The following MEGF6 variants were observed in gnomAD, a reference collection of about 807,000 sequenced individuals.
MEGF6 encodes the protein multiple epidermal growth factor-like domains protein 6.
MEGF6 carries 184 observed loss-of-function variants against 207.1 expected under a neutral mutation model. The ratio of observed to expected loss-of-function variants is 0.89; its 90% CI spans 0.79 to 1.00. The LOEUF is 1.00. Ranked by LOEUF, MEGF6 falls within the 50% of genes least tolerant of loss-of-function variation. The probability of loss-of-function intolerance (pLI) is 0.00; values close to 1 mark genes in which losing one functional copy is unlikely to be tolerated. For missense variants in MEGF6, 2,282 were observed against 2,202.9 expected (o/e 1.04, Z -0.72); for synonymous variants, 1,038 against 910.0 (o/e 1.14, Z -2.53).
At chr1:3,610,375 G>A (rs1644308238) in intron 1 of MEGF6, among the ~76,000 whole-genome samples, 1 of 152,184 alleles carries the variant, frequency 6.6e-6, no homozygotes, top group African/African-American at 2.4e-5. Context: ...CCTGGACGGG[G>A]AGGCTGTCAG....
At position 3,573,104 on chromosome 1, in the gene MEGF6, G is replaced by A. The variant is rs982377781; in HGVS notation, c.481+6721C>T. On this transcript the variant is annotated intron_variant, in intron 4 of 36. Transcript: ENST00000356575. The surrounding 1 kb of genome is among the most constrained non-coding windows in gnomAD (Gnocchi z 5.1). ...CCTCAGGTGTGCTGGGTCCTTCCTGGTATGCTGGGTCCTCCTGTGTGTGCT... is the reference window on the plus strand; with the variant it reads ...CCTCAGGTGTGCTGGGTCCTTCCTGATATGCTGGGTCCTCCTGTGTGTGCT... Among the ~76,000 whole-genome samples the A allele has an allele frequency of 6.7e-6, 1 of 148,762 alleles. No homozygotes were observed. Among genetic ancestry groups the A allele is most frequent in the African/African-American group, 2.5e-5 (1 of 40,136 alleles).
intron 4 of MEGF6, among the ~76,000 whole-genome samples, chr1:3,563,571 A>T (rs1643262763): frequency 6.6e-6 from 1 of 152,204 alleles, no homozygotes; most frequent in Non-Finnish European, 1.5e-5. Flanking sequence ...AGGCCAGCAG[A>T]CATTTTAGAA....
chr1:3,617,371 C>A, the MEGF6 span, among the ~76,000 whole-genome samples: 1 of 145,486 alleles, frequency 6.9e-6, no homozygotes, highest in Non-Finnish European at 1.5e-5. Flanking sequence ...GTGAATGTGA[C>A]CTTATTTGAA....
intron 6 of MEGF6, 126 bp downstream of exon 6, chr1:3,515,271 GTGCCA>G: frequency 1.8e-6 from 2 of 1,119,708 alleles, no homozygotes; most frequent in South Asian, 3.0e-5. Flanking sequence ...GGCCCCAAAT[GTGCCA>G]TCCCTACCAG....
intron 3 of MEGF6, among the ~76,000 whole-genome samples, chr1:3,591,293 C>T (rs1411264114): frequency 6.6e-6 from 1 of 152,216 alleles, no homozygotes; most frequent in Non-Finnish European, 1.5e-5. Context: ...CCCAGAACCA[C>T]CGAGCAGGGG....
intron 36 of MEGF6, 101 bp downstream of exon 36, chr1:3,490,811 C>T (rs926443116): frequency 2.1e-6 from 3 of 1,432,890 alleles, no homozygotes; most frequent in Non-Finnish European, 2.9e-6. Flanking sequence ...CCGGGTGCAG[C>T]TGCTGCCCTG....
chr1:3,499,388 T>A, intron 23 of MEGF6, 122 bp from the exon 24 acceptor site: 1 of 1,423,878 alleles, frequency 7.0e-7, no homozygotes, highest in Non-Finnish European at 9.4e-7. Flanking sequence ...AACTCTCCCC[T>A]CCCTCTGGCT....
At chr1:3,496,238 A>G (rs1304514379) in intron 29 of MEGF6, among the ~76,000 whole-genome samples, 1 of 152,044 alleles carries the variant, frequency 6.6e-6, no homozygotes, top group African/African-American at 2.4e-5. Context: ...GCAGTGACTC[A>G]CTGCCACCCC....
chr1:3,575,534 T>C lies in MEGF6; in HGVS notation c.481+4291A>G, dbSNP rs768535872. Among the ~76,000 whole-genome samples, 15 of 152,170 alleles carry C rather than the reference T, an allele frequency of 9.9e-5. 1 individual carries two copies. Among genetic ancestry groups the C allele is most frequent in the Admixed American group, 5.2e-4 (8 of 15,278 alleles). On this transcript the variant is annotated intron_variant, in intron 4 of 36. Coordinates refer to ENST00000356575, the MANE Select transcript of MEGF6 (RefSeq NM_001409.4). ...TTCCAACTGCTGACATACCCTAGAC[T>C]GGGCAATTTACAAAAGAAAGAGGTT...
chr1:3,598,992 C>T (rs1644117657), intron 2 of MEGF6, among the ~76,000 whole-genome samples: 2 of 152,218 alleles, frequency 1.3e-5, no homozygotes, highest in African/African-American at 4.8e-5. Context: ...CTCAGCTGTA[C>T]TCACAGCCTC....
At chr1:3,529,083 C>T (rs1557752675) in intron 4 of MEGF6, among the ~76,000 whole-genome samples, 1 of 152,170 alleles carries the variant, frequency 6.6e-6, no homozygotes, top group Non-Finnish European at 1.5e-5. Context: ...GCCAGGTTCA[C>T]GGGAGCCGCG....
intron 4 of MEGF6, among the ~76,000 whole-genome samples, chr1:3,541,677 C>T (rs532950816): frequency 7.9e-4 from 120 of 152,286 alleles, no homozygotes; most frequent in African/African-American, 2.8e-3. Context: ...ACATGCCTTC[C>T]TCTCCCTGGG....
chr1:3,498,666 G>C (rs759518247), intron 25 of MEGF6, 32 bp downstream of exon 25: 1 of 1,533,988 alleles, frequency 6.5e-7, no homozygotes, highest in East Asian at 2.4e-5. Flanking sequence ...AGCATGCTGG[G>C]GTATGTCCCT....
rs779656087 is a variant in MEGF6 at position 3,531,104 on chromosome 1, C to T, written c.482-6858G>A. 92 of 1,527,486 alleles carry T rather than the reference C, an allele frequency of 6.0e-5. 1 individual carries two copies. The South Asian group carries it at 8.4e-4, about 14-fold the overall frequency. The allele number at this position is 1,527,486 out of a possible 1,614,324, so 94.6% of individuals were successfully genotyped here. On this transcript the variant is annotated intron_variant, in intron 4 of 36. Transcript: ENST00000356575. ...CCTGGCCTCTGGTCACCGGCGCTCA[C>T]GGGGTAGCCGGCCTGGCCCAGGTGA... is the stretch of plus-strand genomic sequence containing the variant.
intron 4 of MEGF6, chr1:3,530,933 G>C: frequency 8.7e-7 from 1 of 1,144,216 alleles, no homozygotes; most frequent in Non-Finnish European, 1.1e-6. Context: ...CCCAGAAGCA[G>C]GCGCGCCTGC....
Position 3,498,750 on chromosome 1 carries a change from G to A in MEGF6, c.3171C>T (p.Val1057=), listed in dbSNP as rs953413531. The change falls in exon 25 of 37, where the codon GTC becomes GTT. Residue 1057 remains valine (V), a synonymous_variant. Transcript: ENST00000356575. ...CCTCTGGGCACGCACAGTGGCCTGA[G>A]ACAGGGTCACAGGTCCCTCCGTTCT... is the stretch of plus-strand genomic sequence containing the variant. ...LCQNGGTCDP[V]SGHCACPEGW... 3 of 1,563,034 alleles carry A rather than the reference G, an allele frequency of 1.9e-6. No homozygotes were observed. Among genetic ancestry groups the A allele is most frequent in the Non-Finnish European group, 2.6e-6 (3 of 1,155,168 alleles).
Position 3,499,836 on chromosome 1 carries a change from G to T in MEGF6, c.2796C>A (p.Cys932Ter), listed in dbSNP as rs1640778917. The T allele has an allele frequency of 1.9e-6, 3 of 1,553,396 alleles. No homozygotes were observed. The highest frequency in any genetic ancestry group is 2.6e-6 in the Non-Finnish European group (3 of 1,149,352). ...GAACDHVSGACTCPAGWRGTF... is the reference protein window; with the variant it reads ...GAACDHVSGA ...TGCCCCTCCAGCCGGCCGGGCAGGT[G>T]CAGGCCCCGCTGACGTGGTCACAGG... Residue 932 changes from cysteine (C) to a stop codon, truncating the protein, a stop_gained, in exon 22 of 37, where the codon TGC (cysteine) becomes TGA (stop). Coordinates refer to ENST00000356575, the MANE Select transcript of MEGF6 (RefSeq NM_001409.4). LOFTEE classifies it high-confidence loss of function.
At chr1:3,563,404 C>T (rs988522849) in intron 4 of MEGF6, among the ~76,000 whole-genome samples, 6 of 152,132 alleles carry the variant, frequency 3.9e-5, no homozygotes, top group Non-Finnish European at 5.9e-5. Context: ...GACCAGGCCA[C>T]GCCCCAGCTA....
In MEGF6 at chr1:3,515,450, G is replaced by C; in HGVS notation, c.682C>G (p.Gln228Glu). The C allele has an allele frequency of 6.2e-7, 1 of 1,612,684 alleles. No homozygotes were observed. The highest frequency in any genetic ancestry group is 1.7e-4 in the Middle Eastern group (1 of 6,052). The change falls in exon 6 of 37, where the codon CAG becomes GAG. Residue 228 changes from glutamine (Q) to glutamate (E), a missense_variant. Gln to Glu is a conservative substitution (Grantham distance 29, BLOSUM62 2). Coordinates refer to ENST00000356575, the MANE Select transcript of MEGF6 (RefSeq NM_001409.4). The part of the protein sequence containing the change: ...VQLTITRHRC[Q>E]CRPGFQLQED... The stretch of plus-strand genomic sequence containing the variant: ...TGGAGCTGGAACCCGGGCCGGCACT[G>C]GCAGCGATGCCGAGTGATTGTGAGC...
Sources: allele counts gnomAD v4.1 joint callset (sites outside exome capture counted in the v4.1 genomes callset), GRCh38; gene constraint gnomAD v4.1.1; non-coding constraint Gnocchi (gnomAD v3.1); transcripts MANE v1.5; gene names NCBI Gene and HGNC (gene_info 2026-07-23, HGNC 2026-07-21).